Variants in STX18 observed in about 807,000 individuals in gnomAD.
STX18 encodes the protein syntaxin 18, also known as syntaxin-18.
STX18 carries 40 observed loss-of-function variants against 50.1 expected under a neutral mutation model. That is an observed-to-expected ratio of 0.80 (90% CI 0.62 to 1.04). STX18 has a LOEUF of 1.04. STX18 is among the 50% of genes least tolerant of loss of function. The pLI, the probability that STX18 is intolerant of heterozygous loss-of-function variation, is 0.00. For synonymous variants in STX18, 158 were observed against 151.8 expected (o/e 1.04, Z -0.30); for missense variants, 410 against 415.8 (o/e 0.99, Z 0.12).
chr4:4,541,775 G>C, intron 1 of STX18, 22 bp downstream of exon 1: 1 of 1,594,788 alleles, frequency 6.3e-7, no homozygotes, highest in Non-Finnish European at 8.5e-7. Flanking sequence ...TCAACCCGCC[G>C]TTTCCATAGC....
chr4:4,503,557 A>T lies in STX18; in HGVS notation c.169-31851T>A, dbSNP rs1729559655. ...TGTCGCACAGAACTATGATAAAATG[A>T]TCAATAAAAGATTTCTGGGTCACAG... On this transcript the variant is annotated intron_variant, in intron 1 of 10. Transcript: ENST00000306200. Among the ~76,000 whole-genome samples the T allele has an allele frequency of 2.0e-5, 3 of 152,154 alleles. No individual in the cohort carries two copies. The South Asian group carries it at 6.2e-4, about 31-fold the overall frequency.
chr4:4,477,344 A>G (rs764754234), intron 1 of STX18, among the ~76,000 whole-genome samples: 3 of 152,258 alleles, frequency 2.0e-5, no homozygotes, highest in Non-Finnish European at 4.4e-5. Context: ...AACTAGGAAC[A>G]ACCCTTACTT....
At chr4:4,500,510 G>C (rs1729399093) in intron 1 of STX18, among the ~76,000 whole-genome samples, 1 of 152,102 alleles carries the variant, frequency 6.6e-6, no homozygotes, top group African/African-American at 2.4e-5. Flanking sequence ...CACAAATACT[G>C]CACCTTTTTA....
At chr4:4,464,341 GTTTT>G (rs1316180858) in intron 2 of STX18, among the ~76,000 whole-genome samples, 1 of 152,152 alleles carries the variant, frequency 6.6e-6, no homozygotes, top group Non-Finnish European at 1.5e-5. Flanking sequence ...TGCTTATAAT[GTTTT>G]TTTCTCTTTT....
chr4:4,421,178 G>A (rs1423251039), intron 9 of STX18, among the ~76,000 whole-genome samples: 1 of 152,078 alleles, frequency 6.6e-6, no homozygotes. Context: ...AAGGGCTAAC[G>A]GCTTTACTTG....
chr4:4,437,250 C>T (rs1327108400), intron 6 of STX18, among the ~76,000 whole-genome samples: 1 of 152,192 alleles, frequency 6.6e-6, no homozygotes, highest in African/African-American at 2.4e-5. Flanking sequence ...ACCACTGCGC[C>T]TGGCCCAGAC....
chr4:4,531,029 T>C (rs1040101046), intron 1 of STX18, among the ~76,000 whole-genome samples: 2 of 152,214 alleles, frequency 1.3e-5, no homozygotes, highest in Non-Finnish European at 2.9e-5. Context: ...TTTTAATGTA[T>C]GTATGAAACA....
At chr4:4,448,350 C>CTT (rs71638561) in intron 5 of STX18, among the ~76,000 whole-genome samples, 2,089 of 147,974 alleles carry the variant, frequency 0.014, 47 homozygotes, top group African/African-American at 0.048. Context: ...TTATTTTATG[C>CTT]TTTTTTTTTT....
chr4:4,526,911 T>C (rs1371946590), intron 1 of STX18, among the ~76,000 whole-genome samples: 2 of 152,232 alleles, frequency 1.3e-5, no homozygotes, highest in African/African-American at 4.8e-5. Flanking sequence ...GTGAGATATA[T>C]TCACAGATTT....
rs998065606 is a variant in STX18 at position 4,418,986 on chromosome 4, C to G, written c.*1048G>C. ...GCCTGTATTTCCAGGTAGACGTGGA[C>G]TTTATTGACTGTGAATTCATTTACA... On this transcript the variant is annotated 3_prime_UTR_variant, in exon 11 of 11. Coordinates refer to ENST00000306200, the MANE Select transcript of STX18 (RefSeq NM_016930.4). 2 of 152,218 alleles carry G rather than the reference C, an allele frequency of 1.3e-5. No homozygotes were observed. Among genetic ancestry groups the G allele is most frequent in the African/African-American group, 2.4e-5 (1 of 41,458 alleles). 9.4% of individuals were successfully genotyped at this position (152,218 alleles called of 1,614,324 possible).
At chr4:4,539,123 T>C (rs1731467439) in intron 1 of STX18, among the ~76,000 whole-genome samples, 1 of 152,122 alleles carries the variant, frequency 6.6e-6, no homozygotes, top group Non-Finnish European at 1.5e-5. Flanking sequence ...TCTACAACAA[T>C]TCAGTGAGAT....
chr4:4,447,464 G>A (rs562185394), intron 5 of STX18, among the ~76,000 whole-genome samples: 13 of 150,922 alleles, frequency 8.6e-5, no homozygotes, highest in Admixed American at 1.3e-4. Context: ...GGTAGCGGGC[G>A]CCTGTAGTCC....
intron 1 of STX18, among the ~76,000 whole-genome samples, chr4:4,500,012 A>G (rs1391450053): frequency 6.6e-6 from 1 of 152,184 alleles, no homozygotes; most frequent in Non-Finnish European, 1.5e-5. Context: ...TGACTATCCC[A>G]GCACAGGCAT....
At chr4:4,422,294 C>T (rs540518546) in intron 9 of STX18, among the ~76,000 whole-genome samples, 1 of 152,140 alleles carries the variant, frequency 6.6e-6, no homozygotes, top group Non-Finnish European at 1.5e-5. Context: ...GGGCCGGGCG[C>T]AGTGGCTCTC....
intron 7 of STX18, among the ~76,000 whole-genome samples, chr4:4,429,627 T>A (rs1725424018): frequency 6.6e-6 from 1 of 152,204 alleles, no homozygotes. Context: ...CTTCTGGCTG[T>A]GTGACCCTCA....
intron 8 of STX18, among the ~76,000 whole-genome samples, chr4:4,424,905 T>A (rs1725167874): frequency 6.6e-6 from 1 of 151,912 alleles, no homozygotes; most frequent in African/African-American, 2.4e-5. Flanking sequence ...CTGTAGTCAC[T>A]CCTGTATCTC....
At chr4:4,540,587 G>T (rs1225973149) in intron 1 of STX18, among the ~76,000 whole-genome samples, 1 of 151,970 alleles carries the variant, frequency 6.6e-6, no homozygotes, top group African/African-American at 2.4e-5. Context: ...CATTCTTTTT[G>T]TGCCCTACAC....
chr4:4,534,999 A>G (rs1731266124), intron 1 of STX18, among the ~76,000 whole-genome samples: 1 of 152,222 alleles, frequency 6.6e-6, no homozygotes, highest in Admixed American at 6.5e-5. Flanking sequence ...CTCCTCCAGA[A>G]AAGGGCTCTA....
intron 5 of STX18, among the ~76,000 whole-genome samples, chr4:4,440,797 GT>G (rs1194134975): frequency 6.6e-6 from 1 of 152,122 alleles, no homozygotes; most frequent in Non-Finnish European, 1.5e-5. Context: ...CTTTTTAATT[GT>G]TCTGGTTACT....
Sources: gnomAD v4.1 joint callset for allele counts (sites outside exome capture counted in the v4.1 genomes callset) on GRCh38, gnomAD v4.1.1 for gene constraint, MANE v1.5 for transcripts, NCBI Gene and HGNC (gene_info 2026-07-23, HGNC 2026-07-21) for gene names.